The following EPB41 variants were observed in gnomAD, a reference collection of about 807,000 sequenced individuals.
EPB41 encodes the protein protein 4.1.
A neutral mutation model predicts 108.0 loss-of-function variants in EPB41; 65 were observed. The ratio of observed to expected loss-of-function variants is 0.60; its 90% CI spans 0.49 to 0.74. The LOEUF is 0.74. Ranked by LOEUF, EPB41 falls within the 30% of genes least tolerant of loss-of-function variation. EPB41 has a pLI of 0.00. For missense variants in EPB41, 875 were observed against 1,037.0 expected, an observed-to-expected ratio of 0.84 and a Z score of 2.15; for synonymous variants, 336 against 358.9, an observed-to-expected ratio of 0.94 and a Z score of 0.72.
chr1:28,940,712 C>T (rs1022869098), intron 1 of EPB41, among the ~76,000 whole-genome samples: 1 of 152,044 alleles, frequency 6.6e-6, no homozygotes, highest in African/African-American at 2.4e-5. Flanking sequence ...CTGTTCTAGA[C>T]TGGTTGCAAT....
At chr1:28,994,889 G>A (rs1179596530) in intron 3 of EPB41, among the ~76,000 whole-genome samples, 4 of 139,820 alleles carry the variant, frequency 2.9e-5, no homozygotes, top group Non-Finnish European at 6.1e-5. Flanking sequence ...TGAGCTCCCC[G>A]GCTCAAGCGA....
intron 18 of EPB41, among the ~76,000 whole-genome samples, chr1:29,111,057 C>T (rs1369682931): frequency 6.6e-6 from 1 of 151,944 alleles, no homozygotes; most frequent in African/African-American, 2.4e-5. Context: ...GTCCCAGCTA[C>T]TCGGGAGGCT....
chr1:29,032,942 G>T, intron 8 of EPB41, 151 bp from the exon 9 acceptor site: 2 of 768,754 alleles, frequency 2.6e-6, no homozygotes, highest in Non-Finnish European at 2.1e-6. Context: ...AACATAATAG[G>T]TCCATAAATT....
At chr1:28,982,432 T>C in intron 1 of EPB41, 1 of 755,810 alleles carries the variant, frequency 1.3e-6, no homozygotes. Context: ...GGTGATCTTC[T>C]TCTTGCCCAT....
chr1:28,975,298 G>T (rs1448219864), intron 1 of EPB41, among the ~76,000 whole-genome samples: 1 of 152,080 alleles, frequency 6.6e-6, no homozygotes, highest in Non-Finnish European at 1.5e-5. Context: ...ATGCCTTTAG[G>T]ATCTGATATG....
At chr1:28,898,863 A>G (rs2090991458) in intron 1 of EPB41, among the ~76,000 whole-genome samples, 1 of 152,136 alleles carries the variant, frequency 6.6e-6, no homozygotes, top group East Asian at 1.9e-4. Flanking sequence ...AACAGGACAC[A>G]TATTTAGAAA....
chr1:29,014,821 A>G (rs2096556775), intron 5 of EPB41, among the ~76,000 whole-genome samples: 3 of 152,206 alleles, frequency 2.0e-5, no homozygotes, highest in African/African-American at 7.2e-5. Flanking sequence ...TTGGAGTGCT[A>G]TCCATATCAA....
intron 16 of EPB41, among the ~76,000 whole-genome samples, chr1:29,067,664 T>TA (rs11398608): frequency 0.95 from 128,420 of 134,572 alleles, 61,330 homozygotes; most frequent in East Asian, 0.99. Flanking sequence ...GACTCCGTCT[T>TA]AAAAAAAAAA....
intron 1 of EPB41, among the ~76,000 whole-genome samples, chr1:28,890,249 G>A (rs2147806251): frequency 6.6e-6 from 1 of 152,002 alleles, no homozygotes; most frequent in African/African-American, 2.4e-5. Context: ...TGTTGGCCAG[G>A]GTGGTCTCGA....
upstream of EPB41, chr1:28,887,125 G>A (rs886522903): frequency 1.2e-6 from 1 of 845,554 alleles, no homozygotes; most frequent in African/African-American, 1.7e-5. The surrounding 1 kb of genome is among the most constrained non-coding windows in gnomAD (Gnocchi z 4.9). Flanking sequence ...GGCCCCGGCG[G>A]GGCAAAGTGG....
chr1:28,992,822 G>A (rs1418176362), intron 2 of EPB41, among the ~76,000 whole-genome samples: 1 of 152,214 alleles, frequency 6.6e-6, no homozygotes, highest in East Asian at 1.9e-4. Flanking sequence ...GTAGAAAGGT[G>A]TTAGCTGGTA....
chr1:29,006,188 A>G (rs2096396325), intron 4 of EPB41, among the ~76,000 whole-genome samples: 1 of 152,152 alleles, frequency 6.6e-6, no homozygotes, highest in Non-Finnish European at 1.5e-5. Flanking sequence ...ATATTAGCTT[A>G]ACATAACACA....
At chr1:29,023,628 A>C (rs1173003917) in intron 7 of EPB41, among the ~76,000 whole-genome samples, 1 of 151,944 alleles carries the variant, frequency 6.6e-6, no homozygotes, top group Non-Finnish European at 1.5e-5. Context: ...CAGAGGTTGC[A>C]GTGAACCGAG....
chr1:28,971,836 A>C (rs562825837), intron 1 of EPB41, among the ~76,000 whole-genome samples: 1 of 152,330 alleles, frequency 6.6e-6, no homozygotes, highest in African/African-American at 2.4e-5. Flanking sequence ...TAAAAAATGA[A>C]ACAAGGAAGC....
chr1:28,917,260 G>A (rs1349022963), intron 1 of EPB41, among the ~76,000 whole-genome samples: 1 of 151,682 alleles, frequency 6.6e-6, no homozygotes, highest in African/African-American at 2.4e-5. Flanking sequence ...GTGTGTGTGT[G>A]TGTGTGTATG....
At chr1:28,961,034 CAAA>C (rs1272961367) in intron 1 of EPB41, among the ~76,000 whole-genome samples, 12 of 51,156 alleles carry the variant, frequency 2.3e-4, no homozygotes, top group Non-Finnish European at 2.9e-4. Flanking sequence ...AACCCTGTCT[CAAA>C]AAAAAAAAAA....
At chr1:28,970,158 G>A (rs544712952) in intron 1 of EPB41, among the ~76,000 whole-genome samples, 52 of 152,164 alleles carry the variant, frequency 3.4e-4, no homozygotes, top group African/African-American at 1.3e-3. Context: ...ATATTTTCTG[G>A]TGGCCTGTAG....
At chr1:29,020,521 A>T (rs2096630868) in intron 7 of EPB41, among the ~76,000 whole-genome samples, 1 of 152,172 alleles carries the variant, frequency 6.6e-6, no homozygotes, top group African/African-American at 2.4e-5. Context: ...CTAATAATTT[A>T]AAAATATTTT....
At chr1:28,985,026 A>G (rs964831053) in intron 1 of EPB41, among the ~76,000 whole-genome samples, 3 of 151,868 alleles carry the variant, frequency 2.0e-5, no homozygotes, top group African/African-American at 4.8e-5. Context: ...GTACAATGGC[A>G]TGATCTCAGC....
Sources: gnomAD v4.1 joint callset for allele counts (sites outside exome capture counted in the v4.1 genomes callset) on GRCh38, gnomAD v4.1.1 for gene constraint, Gnocchi (gnomAD v3.1) non-coding constraint, MANE v1.5 for transcripts, NCBI Gene and HGNC (gene_info 2026-07-23, HGNC 2026-07-21) for gene names.